EIF4ENIF1: variants seen among roughly 807,000 people sequenced by gnomAD.
The protein encoded by EIF4ENIF1 is eukaryotic translation initiation factor 4E transporter.
Under a neutral mutation model 110.5 loss-of-function variants are expected in EIF4ENIF1, and 23 were observed. The observed-to-expected ratio is 0.21, with a 90% CI of 0.15 to 0.29. EIF4ENIF1 has a LOEUF of 0.29. Ranked by LOEUF, EIF4ENIF1 falls within the 10% of genes least tolerant of loss-of-function variation. The pLI is 1.00. For missense variants in EIF4ENIF1, 1,031 were observed against 1,221.1 expected, an observed-to-expected ratio of 0.84 and a Z score of 2.32; for synonymous variants, 440 against 437.0, an observed-to-expected ratio of 1.01 and a Z score of -0.09.
chr22:31,467,694 G>A (rs976963159), intron 4 of EIF4ENIF1, among the ~76,000 whole-genome samples: 4 of 151,936 alleles, frequency 2.6e-5, no homozygotes, highest in Non-Finnish European at 4.4e-5. Flanking sequence ...ATGGTGGCAG[G>A]CACCTGTAAT....
intron 2 of EIF4ENIF1, among the ~76,000 whole-genome samples, chr22:31,473,487 T>A (rs1043751459): frequency 2.6e-5 from 4 of 152,240 alleles, no homozygotes; most frequent in African/African-American, 9.6e-5. Flanking sequence ...AATCAGATAT[T>A]TGATTGTTGT....
At chr22:31,445,964 C>CT (rs1030190307) in intron 14 of EIF4ENIF1, among the ~76,000 whole-genome samples, 4 of 149,086 alleles carry the variant, frequency 2.7e-5, no homozygotes, top group African/African-American at 9.9e-5. Context: ...CCCCCCCCCC[C>CT]CATCTACCTC....
intron 2 of EIF4ENIF1, among the ~76,000 whole-genome samples, chr22:31,481,086 T>C (rs1601649531): frequency 6.6e-6 from 1 of 152,178 alleles, no homozygotes; most frequent in South Asian, 2.1e-4. Flanking sequence ...AGCTATTCTC[T>C]ATGGTCTTGC....
At chr22:31,473,032 C>G (rs956819566) in intron 2 of EIF4ENIF1, among the ~76,000 whole-genome samples, 8 of 151,136 alleles carry the variant, frequency 5.3e-5, no homozygotes, top group Non-Finnish European at 8.8e-5. Context: ...TCCACGAAGC[C>G]AAGTTTTTTT....
At chr22:31,479,668 A>G (rs60324934) in intron 2 of EIF4ENIF1, among the ~76,000 whole-genome samples, 6,404 of 142,030 alleles carry the variant, frequency 0.045, 124 homozygotes, top group African/African-American at 0.052. Flanking sequence ...AGGATGTGAT[A>G]TTACCCTTTT....
chr22:31,490,140 C>T (rs954731907), upstream of EIF4ENIF1, among the ~76,000 whole-genome samples: 1 of 152,218 alleles, frequency 6.6e-6, no homozygotes, highest in Non-Finnish European at 1.5e-5. Context: ...CGCGTTCCCA[C>T]GCGCGCTGCA....
chr22:31,457,811 GCTGA>G (rs938473458), intron 7 of EIF4ENIF1, among the ~76,000 whole-genome samples: 47 of 152,070 alleles, frequency 3.1e-4, no homozygotes, highest in African/African-American at 1.0e-3. Context: ...CTTAAATAAT[GCTGA>G]CTTTTAAGTG....
intron 1 of EIF4ENIF1, 153 bp from the exon 2 acceptor site, chr22:31,488,898 T>G: frequency 3.7e-6 from 3 of 816,912 alleles, no homozygotes; most frequent in Non-Finnish European, 5.6e-6. Context: ...AATTAGAACT[T>G]GGAGATAGAA....
chr22:31,450,896 A>ACACTCAC, intron 10 of EIF4ENIF1: 1 of 115,368 alleles, frequency 8.7e-6, no homozygotes, highest in Admixed American at 9.4e-5. Context: ...CACACACACA[A>ACACTCAC]AAGAGACAGG....
intron 4 of EIF4ENIF1, among the ~76,000 whole-genome samples, chr22:31,465,702 C>T (rs2051161941): frequency 6.6e-6 from 1 of 152,146 alleles, no homozygotes; most frequent in Admixed American, 6.6e-5. Context: ...AAGCTTATGT[C>T]CAGAGACTTG....
chr22:31,490,184 C>G (rs2052219341), upstream of EIF4ENIF1, among the ~76,000 whole-genome samples: 1 of 152,238 alleles, frequency 6.6e-6, no homozygotes, highest in African/African-American at 2.4e-5. Context: ...ACCCGCGACT[C>G]GCGGCACGCC....
chr22:31,478,661 C>CA (rs2051686252), intron 2 of EIF4ENIF1, among the ~76,000 whole-genome samples: 1 of 146,968 alleles, frequency 6.8e-6, no homozygotes, highest in Non-Finnish European at 1.5e-5. Context: ...ACTGAAAATA[C>CA]AAAAAAATGG....
At chr22:31,442,191 A>C in intron 16 of EIF4ENIF1, 73 bp from the exon 17 acceptor site, 2 of 1,176,830 alleles carry the variant, frequency 1.7e-6, no homozygotes, top group Non-Finnish European at 1.2e-6. Context: ...TGGTCTAATA[A>C]ATCTCATTTC....
At chr22:31,443,473 C>A in intron 15 of EIF4ENIF1, 1 of 164,998 alleles carries the variant, frequency 6.1e-6, no homozygotes, top group Non-Finnish European at 1.3e-5. Flanking sequence ...CTAATATTTC[C>A]CTTAACTTGG....
At chr22:31,488,816 G>A (rs1361119695) in intron 1 of EIF4ENIF1, 71 bp from the exon 2 acceptor site, 3 of 1,493,788 alleles carry the variant, frequency 2.0e-6, no homozygotes, top group South Asian at 2.7e-5. Context: ...TGTTTCTTCA[G>A]AAGCTGAAAC....
At chr22:31,475,398 A>G (rs1393797637) in intron 2 of EIF4ENIF1, among the ~76,000 whole-genome samples, 1 of 152,184 alleles carries the variant, frequency 6.6e-6, no homozygotes, top group Non-Finnish European at 1.5e-5. Context: ...TGAGTCCAGG[A>G]GTTCAAGATC....
chr22:31,445,948 G>T (rs1350907288), intron 14 of EIF4ENIF1, among the ~76,000 whole-genome samples: 3 of 137,000 alleles, frequency 2.2e-5, no homozygotes, highest in African/African-American at 8.4e-5. Context: ...ATGCAGTTAC[G>T]TACCGCCCCC....
intron 7 of EIF4ENIF1, among the ~76,000 whole-genome samples, chr22:31,456,283 GCA>G: frequency 6.7e-6 from 1 of 150,054 alleles, no homozygotes; most frequent in Non-Finnish European, 1.5e-5. Context: ...GAGTGCAGTG[GCA>G]CGATCTCGGC....
intron 2 of EIF4ENIF1, among the ~76,000 whole-genome samples, chr22:31,484,876 T>C (rs1281016672): frequency 6.6e-6 from 1 of 152,220 alleles, no homozygotes; most frequent in Non-Finnish European, 1.5e-5. Context: ...CTTCTAGATC[T>C]TCTAGCCCGT....
Sources: allele counts gnomAD v4.1 joint callset (sites outside exome capture counted in the v4.1 genomes callset), GRCh38; gene constraint gnomAD v4.1.1; transcripts MANE v1.5; gene names NCBI Gene and HGNC (gene_info 2026-07-23, HGNC 2026-07-21).